Variants in UNC79 observed in about 807,000 individuals in gnomAD.
UNC79 encodes unc-79 subunit of NALCN channel complex.
Under a neutral mutation model 283.1 loss-of-function variants are expected in UNC79, and 37 were observed. That is an observed-to-expected ratio of 0.13 (90% CI 0.10 to 0.17). UNC79 has a LOEUF of 0.17. Among genes scored for constraint, UNC79 ranks in the 10% least tolerant of loss-of-function variants. UNC79 has a pLI of 1.00. For missense variants in UNC79, 2,272 were observed against 3,211.1 expected, an observed-to-expected ratio of 0.71 and a Z score of 7.07; for synonymous variants, 1,107 against 1,200.2, an observed-to-expected ratio of 0.92 and a Z score of 1.61.
chr14:93,357,833 ATG>A lies in UNC79; in HGVS notation c.-351+24312_-351+24313del, dbSNP rs1397762868. ...GATATATATATATGGATATATGGAT[ATG>A]TATATATATGGATATATGGATATAT... On this transcript the variant is annotated intron_variant, in intron 1 of 49. Coordinates refer to the UNC79 transcript ENST00000256339. Among the ~76,000 whole-genome samples, 164 of 17,800 alleles carry A rather than the reference ATG, an allele frequency of 9.2e-3. 7 individuals carry two copies. Among genetic ancestry groups the A allele is most frequent in the Middle Eastern group, 0.036 (1 of 28 alleles). 11.7% of individuals were successfully genotyped at this position (17,800 alleles called of 152,430 possible). A position where few individuals can be genotyped will look rare whatever the true frequency, so the allele number is the denominator to read the frequency against.
chr14:93,443,835 T>G (rs2056385998), intron 1 of UNC79, among the ~76,000 whole-genome samples: 1 of 152,226 alleles, frequency 6.6e-6, no homozygotes, highest in African/African-American at 2.4e-5. Flanking sequence ...CATGTGTATA[T>G]TACAATTTGT....
At chr14:93,624,093 G>A (rs1014790200) in intron 30 of UNC79, among the ~76,000 whole-genome samples, 1 of 152,146 alleles carries the variant, frequency 6.6e-6, no homozygotes, top group African/African-American at 2.4e-5. Context: ...TGGCCAGACA[G>A]AAGCAGTGCC....
chr14:93,615,160 A>C (rs900009975), intron 27 of UNC79, among the ~76,000 whole-genome samples: 1 of 152,174 alleles, frequency 6.6e-6, no homozygotes, highest in Non-Finnish European at 1.5e-5. Flanking sequence ...TAGAGAAAAC[A>C]TATTGCAAAG....
At chr14:93,390,551 T>C (rs2054863207) in intron 1 of UNC79, among the ~76,000 whole-genome samples, 1 of 152,134 alleles carries the variant, frequency 6.6e-6, no homozygotes. Flanking sequence ...CTTGATTGTG[T>C]ATATATAGAA....
intron 4 of UNC79, among the ~76,000 whole-genome samples, chr14:93,486,679 G>C (rs371621761): frequency 8.7e-6 from 1 of 114,668 alleles, no homozygotes; most frequent in Non-Finnish European, 1.8e-5. Context: ...AAAAAAAAAA[G>C]AAAGAAAGTC....
At chr14:93,445,473 T>C (rs1049872681) in intron 1 of UNC79, among the ~76,000 whole-genome samples, 1 of 152,222 alleles carries the variant, frequency 6.6e-6, no homozygotes, top group African/African-American at 2.4e-5. Flanking sequence ...TTGGTCGTAA[T>C]GTATTCTTCT....
At position 93,658,919 on chromosome 14, in the gene UNC79, A is replaced by G. The variant is rs137972200; in HGVS notation, c.6457-274A>G. ...CCACCATGTCTCTATTCAACTGTCT[A>G]TCTCATTAATTTTTAGGGCTATATC... is the stretch of plus-strand genomic sequence containing the variant. On this transcript the variant is annotated intron_variant, in intron 38 of 48. Transcript: ENST00000555664. 4.0e-3 allele frequency among the ~76,000 whole-genome samples: 607 copies of G among 152,228 alleles called. 3 individuals carry two copies. Among genetic ancestry groups the G allele is most frequent in the African/African-American group, 0.014 (576 of 41,544 alleles).
chr14:93,556,087 T>A (rs200171645), intron 14 of UNC79, among the ~76,000 whole-genome samples: 1 of 152,074 alleles, frequency 6.6e-6, no homozygotes, highest in East Asian at 1.9e-4. Flanking sequence ...CCACACCAAA[T>A]ACTGGGTCCC....
At chr14:93,343,633 T>C (rs2053761391) in intron 1 of UNC79, among the ~76,000 whole-genome samples, 1 of 152,198 alleles carries the variant, frequency 6.6e-6, no homozygotes, top group Non-Finnish European at 1.5e-5. Flanking sequence ...GAGGAATGAA[T>C]TTGAGATATT....
rs1292777238 is a variant in UNC79 at position 93,583,554 on chromosome 14, A to G, written c.2803+1210A>G. Among the ~76,000 whole-genome samples, 4 of 152,286 alleles carry G rather than the reference A, an allele frequency of 2.6e-5. No individual in the cohort carries two copies. The East Asian group carries it at 5.8e-4, about 22-fold the overall frequency. ...GGATCATATGAACAGTGAATTGTGT[A>G]TGAATATCTCAGCTCACACTATTTC... On this transcript the variant is annotated intron_variant, in intron 20 of 48. Transcript: ENST00000555664.
intron 26 of UNC79, among the ~76,000 whole-genome samples, chr14:93,605,484 A>G (rs976759249): frequency 2.0e-5 from 3 of 152,170 alleles, no homozygotes; most frequent in Non-Finnish European, 4.4e-5. Context: ...TTTAATGATC[A>G]TTTGATGTTC....
chr14:93,408,460 C>T (rs746282949), intron 1 of UNC79, among the ~76,000 whole-genome samples: 9 of 152,036 alleles, frequency 5.9e-5, no homozygotes, highest in Non-Finnish European at 1.0e-4. Context: ...TGGGAGGCCA[C>T]GGTGGGAAGC....
chr14:93,410,848 T>A lies in UNC79; in HGVS notation c.-350-56823T>A, dbSNP rs996706273. ...GTGGGCCGTAGGTGAAACTGAGATT[T>A]TCTGACTTCAGGTGAGACTCAGCAC... On this transcript the variant is annotated intron_variant, in intron 1 of 49. Transcript: ENST00000256339. 2.6e-5 allele frequency among the ~76,000 whole-genome samples: 4 copies of A among 152,238 alleles called. 1 individual carries two copies. The highest frequency in any genetic ancestry group is 6.5e-5 in the Admixed American group (1 of 15,282).
chr14:93,568,037 G>A (rs2062998031), intron 14 of UNC79, among the ~76,000 whole-genome samples: 1 of 152,192 alleles, frequency 6.6e-6, no homozygotes, highest in African/African-American at 2.4e-5. Context: ...AGTCAGATAT[G>A]CACCTATCTC....
At chr14:93,463,693 C>T (rs770962267) in intron 1 of UNC79, among the ~76,000 whole-genome samples, 5 of 152,056 alleles carry the variant, frequency 3.3e-5, no homozygotes, top group South Asian at 4.2e-4. Flanking sequence ...AGTATCCACT[C>T]GCACCATAAT....
At chr14:93,335,609 C>T (rs961590369) in intron 1 of UNC79, among the ~76,000 whole-genome samples, 7 of 152,226 alleles carry the variant, frequency 4.6e-5, no homozygotes, top group African/African-American at 1.7e-4. Flanking sequence ...ATTTTTGCCA[C>T]ACTCTCAGAG....
At chr14:93,431,143 G>A in intron 1 of UNC79, 92 bp downstream of exon 1, 1 of 622,126 alleles carries the variant, frequency 1.6e-6, no homozygotes, top group Non-Finnish European at 2.9e-6. Flanking sequence ...CCTTGGCATT[G>A]TGCTGGTGCG....
At chr14:93,538,205 G>A in exon 12 of UNC79, 1 of 1,597,446 alleles carries the variant, frequency 6.3e-7, no homozygotes, top group Non-Finnish European at 8.5e-7. Context: ...CTGCGCCGTG[G>A]AAGCCGTGAT....
intron 1 of UNC79, among the ~76,000 whole-genome samples, chr14:93,460,967 A>C (rs765339618): frequency 6.6e-6 from 1 of 152,246 alleles, no homozygotes; most frequent in Non-Finnish European, 1.5e-5. Flanking sequence ...GGTAAAGTAA[A>C]TTACGATTCT....
Sources: allele counts gnomAD v4.1 joint callset (sites outside exome capture counted in the v4.1 genomes callset), GRCh38; gene constraint gnomAD v4.1.1; transcripts MANE v1.5; gene names NCBI Gene and HGNC (gene_info 2026-07-23, HGNC 2026-07-21).